The following ADCY9 variants were observed in gnomAD, a reference collection of about 807,000 sequenced individuals.
ADCY9 encodes adenylate cyclase 9, also known as adenylate cyclase type 9.
ADCY9 carries 50 observed loss-of-function variants against 101.5 expected under a neutral mutation model. That is an observed-to-expected ratio of 0.49 (90% CI 0.39 to 0.62). The LOEUF is 0.62. ADCY9 is among the 20% of genes least tolerant of loss of function. The probability of loss-of-function intolerance (pLI) is 0.00; values close to 1 mark genes in which losing one functional copy is unlikely to be tolerated. For synonymous variants in ADCY9, 905 were observed against 769.3 expected (o/e 1.18, Z -2.92); for missense variants, 1,662 against 1,800.4 (o/e 0.92, Z 1.39).
chr16:4,067,409 C>A (rs2056807204), intron 2 of ADCY9, among the ~76,000 whole-genome samples: 1 of 152,158 alleles, frequency 6.6e-6, no homozygotes, highest in African/African-American at 2.4e-5. Context: ...CTTCCCTTCC[C>A]CAGGCTTCTA....
chr16:3,966,956 T>C lies in ADCY9; in HGVS notation c.2881A>G (p.Asn961Asp), dbSNP rs974015341. Residue 961 changes from asparagine to aspartate, a missense_variant, in exon 11 of 11, where the codon AAC becomes GAC. By Grantham distance (23) the Asn-to-Asp change is conservative. Around this residue, in one of 5 missense-constraint regions of ADCY9, gnomAD observed 624 missense variants for 639.1 expected, o/e 0.98. Coordinates refer to ENST00000294016, the MANE Select transcript of ADCY9 (RefSeq NM_001116.4). ...CGCGGCACCGAACTATTGCACGGGT[T>C]CCTCTCGGAACTGGAGAGCAAAGAC... is the stretch of plus-strand genomic sequence containing the variant. The part of the protein sequence containing the change: ...DAVQNFSSER[N>D]PCNSSVPRDL... The C allele has an allele frequency of 2.5e-6, 4 of 1,611,420 alleles. No individual in the cohort carries two copies. Among genetic ancestry groups the C allele is most frequent in the African/African-American group, 1.3e-5 (1 of 74,980 alleles).
At chr16:4,033,647 C>A (rs912535006) in intron 2 of ADCY9, among the ~76,000 whole-genome samples, 3 of 152,036 alleles carry the variant, frequency 2.0e-5, no homozygotes, top group Non-Finnish European at 4.4e-5. Flanking sequence ...AATCTCCTGA[C>A]CTTGTGATCC....
chr16:3,964,977 T>C lies in ADCY9; in HGVS notation c.*798A>G, dbSNP rs887247. The C allele has an allele frequency of 1, 152,050 of 152,328 alleles. 75,886 individuals are homozygous for C. Among genetic ancestry groups the C allele is most frequent in the Middle Eastern group, 1 (294 of 294 alleles). The allele number at this position is 152,328 out of a possible 1,614,324, so 9.4% of individuals were successfully genotyped here. On this transcript the variant is annotated 3_prime_UTR_variant, in exon 11 of 11. Transcript: ENST00000294016. Reference sequence around the variant, plus strand: ...CCAGGACCAACACCTCCACTCCCGATGGGGAGACCCCTGGGTGGAGGGTCG... The same window carrying C: ...CCAGGACCAACACCTCCACTCCCGACGGGGAGACCCCTGGGTGGAGGGTCG...
chr16:3,979,292 G>T lies in ADCY9; in HGVS notation c.2520-17C>A. Reference sequence around the variant, plus strand: ...AACACCATCCTGCGAGAGGCATGGGGGTTAGCAGGAGCGACGGGGCCCGGG... The same window carrying T: ...AACACCATCCTGCGAGAGGCATGGGTGTTAGCAGGAGCGACGGGGCCCGGG... On this transcript the variant is annotated splice_polypyrimidine_tract_variant and intron_variant, in intron 7 of 10. Transcript: ENST00000294016. 1.2e-6 allele frequency: 2 copies of T among 1,612,734 alleles called. No individual in the cohort carries two copies. The highest frequency in any genetic ancestry group is 1.7e-6 in the Non-Finnish European group (2 of 1,179,390).
intron 2 of ADCY9, among the ~76,000 whole-genome samples, chr16:4,048,951 G>T (rs1332106725): frequency 6.6e-6 from 1 of 152,118 alleles, no homozygotes; most frequent in Non-Finnish European, 1.5e-5. Flanking sequence ...AGCAAATGAA[G>T]GAAAAGCTCC....
chr16:3,992,644 G>A lies in ADCY9; in HGVS notation c.1990-281C>T, dbSNP rs2056254615. On this transcript the variant is annotated intron_variant, in intron 4 of 10. Transcript: ENST00000294016. The surrounding 1 kb of genome is among the most constrained non-coding windows in gnomAD (Gnocchi z 4.2). ...AGACATGGGAAGAGTCGGTGCGGAG[G>A]TGGAGGGGAAGGGAGGAAAGTGAGG... Among the ~76,000 whole-genome samples, 1 of 152,102 alleles carries A rather than the reference G, an allele frequency of 6.6e-6. No homozygotes were observed. Among genetic ancestry groups the A allele is most frequent in the African/African-American group, 2.4e-5 (1 of 41,426 alleles).
At position 4,106,684 on chromosome 16, in the gene ADCY9, C is replaced by T. The variant is rs145032775; in HGVS notation, c.1693+7066G>A. On this transcript the variant is annotated intron_variant, in intron 2 of 10. Transcript: ENST00000294016. ...CCAGCAAAAACACCAATACTAAAAT[C>T]ACCAACCAAGACAAAGACGAGACTT... Among the ~76,000 whole-genome samples the T allele has an allele frequency of 1.2e-3, 189 of 152,316 alleles. 1 individual carries two copies. Among genetic ancestry groups the T allele is most frequent in the African/African-American group, 4.4e-3 (184 of 41,552 alleles).
downstream of ADCY9, among the ~76,000 whole-genome samples, chr16:3,958,673 C>CTT (rs1207846349): frequency 1.6e-4 from 16 of 102,994 alleles, 1 homozygote; most frequent in Non-Finnish European, 2.3e-4. Context: ...TCGTCGGTTA[C>CTT]TTTTTTTTTT....
At chr16:4,008,268 C>G (rs1476711265) in intron 2 of ADCY9, among the ~76,000 whole-genome samples, 1 of 151,374 alleles carries the variant, frequency 6.6e-6, no homozygotes, top group African/African-American at 2.4e-5. Context: ...TCCTTTGAGG[C>G]TGAGCTAACA....
chr16:4,071,880 G>A (rs541402580), intron 2 of ADCY9, among the ~76,000 whole-genome samples: 6 of 152,052 alleles, frequency 3.9e-5, no homozygotes, highest in East Asian at 3.9e-4. Context: ...GTGCGGTCTC[G>A]GCTCCCTGCA....
At chr16:4,100,323 G>A (rs1178134813) in intron 2 of ADCY9, among the ~76,000 whole-genome samples, 1 of 151,962 alleles carries the variant, frequency 6.6e-6, no homozygotes, top group Non-Finnish European at 1.5e-5. Flanking sequence ...GTCTCAGGTA[G>A]CATCTTTTTT....
intron 2 of ADCY9, among the ~76,000 whole-genome samples, chr16:4,025,019 T>C (rs2056504582): frequency 6.6e-6 from 1 of 151,696 alleles, no homozygotes; most frequent in African/African-American, 2.4e-5. Context: ...GCTGCAATGT[T>C]TTGAACGGCC....
At chr16:4,036,987 A>T (rs941922886) in intron 2 of ADCY9, among the ~76,000 whole-genome samples, 6 of 152,000 alleles carry the variant, frequency 3.9e-5, no homozygotes, top group Admixed American at 6.6e-5. Flanking sequence ...ATATAAGAAC[A>T]TGCAATATGT....
rs1316070904 is a variant in ADCY9, at chr16:4,114,201, G to A, written c.1242C>T (p.Ala414=). 6.2e-7 allele frequency: 1 copy of A among 1,613,960 alleles called. No homozygotes were observed. Among genetic ancestry groups the A allele is most frequent in the Admixed American group, 1.7e-5 (1 of 60,020 alleles). The change falls in exon 2 of 11, where the codon GCC becomes GCT. Residue 414 remains alanine (A), a synonymous_variant. Coordinates refer to ENST00000294016, the MANE Select transcript of ADCY9 (RefSeq NM_001116.4). The surrounding 1 kb of genome is among the most constrained non-coding windows in gnomAD (Gnocchi z 4.3). Reference sequence around the variant, plus strand: ...ACAGATCGTTCAGGAGACCCACCAGGGCGTGGGCAGACTTGTTGGCACTCA... The same window carrying A: ...ACAGATCGTTCAGGAGACCCACCAGAGCGTGGGCAGACTTGTTGGCACTCA... ...TKMSANKSAH[A]LVGLLNDLFG... is the part of the protein sequence containing the mutation.
At chr16:4,087,328 A>G (rs116833135) in intron 2 of ADCY9, among the ~76,000 whole-genome samples, 4,488 of 151,980 alleles carry the variant, frequency 0.03, 213 homozygotes, top group African/African-American at 0.1. Flanking sequence ...TGAGACCAGG[A>G]GTTCGAGACC....
chr16:4,083,006 G>C (rs1469160890), intron 2 of ADCY9, among the ~76,000 whole-genome samples: 2 of 152,192 alleles, frequency 1.3e-5, no homozygotes, highest in Non-Finnish European at 2.9e-5. Context: ...CAGCCACTTT[G>C]TGCCACAAGG....
rs1597238486 is a variant in ADCY9 at position 4,115,880 on chromosome 16, G to T, written c.-234C>A. 1 of 395,070 alleles carries T rather than the reference G, an allele frequency of 2.5e-6. No homozygotes were observed. Among genetic ancestry groups the T allele is most frequent in the East Asian group, 3.6e-5 (1 of 27,852 alleles). 24.5% of individuals were successfully genotyped at this position (395,070 alleles called of 1,614,324 possible). A position where few individuals can be genotyped will look rare whatever the true frequency, so the allele number is the denominator to read the frequency against. On this transcript the variant is annotated 5_prime_UTR_variant, in exon 1 of 11. Coordinates refer to ENST00000294016, the MANE Select transcript of ADCY9 (RefSeq NM_001116.4). The surrounding 1 kb of genome is among the most constrained non-coding windows in gnomAD (Gnocchi z 6.2). ...TTGAGCGCTCCCAGCCCCGCGAGCC[G>T]CCTGCGCACAAACAACTCCGCTGGC... is the stretch of plus-strand genomic sequence containing the variant.
chr16:4,028,946 G>A (rs557957660), intron 2 of ADCY9, among the ~76,000 whole-genome samples: 2 of 151,858 alleles, frequency 1.3e-5, no homozygotes, highest in African/African-American at 2.4e-5. Flanking sequence ...CACTGCACGC[G>A]GCTAATTTTC....
Position 4,033,993 on chromosome 16 carries a change from A to G in ADCY9, c.1694-26435T>C, listed in dbSNP as rs190757700. Among the ~76,000 whole-genome samples, 206 of 152,348 alleles carry G rather than the reference A, an allele frequency of 1.4e-3. 1 individual carries two copies. The highest frequency in any genetic ancestry group is 2.5e-3 in the Non-Finnish European group (168 of 68,030). ...TTGCTCAACAATTGCCTGAAAACAT[A>G]GAAAAACTGTCTGCCACATACGCAG... On this transcript the variant is annotated intron_variant, in intron 2 of 10. Coordinates refer to ENST00000294016, the MANE Select transcript of ADCY9 (RefSeq NM_001116.4).
Sources: allele counts gnomAD v4.1 joint callset (sites outside exome capture counted in the v4.1 genomes callset), GRCh38; gene constraint gnomAD v4.1.1; regional missense constraint gnomAD v4.1.1; non-coding constraint Gnocchi (gnomAD v3.1); transcripts MANE v1.5; gene names NCBI Gene and HGNC (gene_info 2026-07-23, HGNC 2026-07-21).